The following XRCC4 variants were observed in gnomAD, a reference collection of about 807,000 sequenced individuals.
XRCC4 encodes DNA repair protein XRCC4.
A neutral mutation model predicts 39.1 loss-of-function variants in XRCC4; 28 were observed. The ratio of observed to expected loss-of-function variants is 0.72; its 90% CI spans 0.53 to 0.98. The LOEUF is 0.98. XRCC4 is among the 50% of genes least tolerant of loss of function. The pLI is 0.00. For synonymous variants in XRCC4, 123 were observed against 126.4 expected (o/e 0.97, Z 0.18); for missense variants, 350 against 376.4 (o/e 0.93, Z 0.58).
At chr5:83,303,642 A>G (rs1323475430) in intron 7 of XRCC4, among the ~76,000 whole-genome samples, 1 of 152,210 alleles carries the variant, frequency 6.6e-6, no homozygotes, top group East Asian at 1.9e-4. Flanking sequence ...TCATGCCTCT[A>G]TAACTTCCAA....
intron 7 of XRCC4, among the ~76,000 whole-genome samples, chr5:83,350,854 G>GAAGGGTATTTCC (rs1487003583): frequency 3.9e-5 from 6 of 152,136 alleles, no homozygotes; most frequent in Admixed American, 6.5e-5. Flanking sequence ...ACAGTGTTGA[G>GAAGGGTATTTCC]AAGGGTATTT....
chr5:83,205,528 G>A (rs1193376559), intron 6 of XRCC4, among the ~76,000 whole-genome samples: 1 of 152,016 alleles, frequency 6.6e-6, no homozygotes, highest in African/African-American at 2.4e-5. Flanking sequence ...TAGTGACGGT[G>A]GAAACAGGAG....
intron 3 of XRCC4, among the ~76,000 whole-genome samples, chr5:83,156,535 G>T (rs1748973743): frequency 6.6e-6 from 1 of 151,996 alleles, no homozygotes; most frequent in Non-Finnish European, 1.5e-5. Flanking sequence ...AGAGATTCTG[G>T]TTATTTAGTC....
At chr5:83,372,579 AATAAT>A in the XRCC4 span, among the ~76,000 whole-genome samples, 12 of 152,302 alleles carry the variant, frequency 7.9e-5, no homozygotes, top group South Asian at 2.3e-3. Context: ...AGACTAAATA[AATAAT>A]ATGTCATACA....
intron 6 of XRCC4, among the ~76,000 whole-genome samples, chr5:83,208,247 A>G (rs994157281): frequency 2.0e-5 from 3 of 152,072 alleles, no homozygotes; most frequent in Admixed American, 6.6e-5. Flanking sequence ...GGATTACACA[A>G]TAGGCATACA....
chr5:83,353,073 TA>T, intron 7 of XRCC4, 57 bp from the exon 8 acceptor site: 1 of 1,366,346 alleles, frequency 7.3e-7, no homozygotes, highest in Non-Finnish European at 1.0e-6. Context: ...CATTTTCTTT[TA>T]CTCTATAACA....
chr5:83,224,754 T>A (rs1752224960), intron 6 of XRCC4, among the ~76,000 whole-genome samples: 1 of 152,196 alleles, frequency 6.6e-6, no homozygotes, highest in Non-Finnish European at 1.5e-5. Flanking sequence ...TCTTCATTGT[T>A]GAATTCCTCT....
chr5:83,108,615 A>C (rs1746307206), intron 2 of XRCC4, among the ~76,000 whole-genome samples: 1 of 151,824 alleles, frequency 6.6e-6, no homozygotes, highest in Admixed American at 6.6e-5. Context: ...ATTTTAATGA[A>C]ATTTAGAATA....
the XRCC4 span, among the ~76,000 whole-genome samples, chr5:83,374,206 T>C: frequency 2.0e-5 from 3 of 152,248 alleles, no homozygotes; most frequent in South Asian, 6.2e-4. Flanking sequence ...TCATTTTAAA[T>C]TGTAGCTCCC....
At chr5:83,302,060 T>A (rs530700877) in intron 7 of XRCC4, among the ~76,000 whole-genome samples, 3 of 152,256 alleles carry the variant, frequency 2.0e-5, no homozygotes, top group South Asian at 2.1e-4. Context: ...CCCCTCCCCC[T>A]ACTAAGCTCG....
intron 7 of XRCC4, among the ~76,000 whole-genome samples, chr5:83,344,257 G>A (rs1306341400): frequency 3.3e-5 from 5 of 151,354 alleles, no homozygotes. Flanking sequence ...TTTTTTAAGA[G>A]ATGGGGTCTC....
intron 3 of XRCC4, among the ~76,000 whole-genome samples, chr5:83,112,518 T>C (rs947502891): frequency 1.3e-5 from 2 of 152,226 alleles, no homozygotes; most frequent in Non-Finnish European, 2.9e-5. Context: ...TGAAAGGCTT[T>C]TGAAATTTTT....
chr5:83,327,084 T>A (rs771653352), intron 7 of XRCC4, among the ~76,000 whole-genome samples: 1 of 152,092 alleles, frequency 6.6e-6, no homozygotes, highest in Non-Finnish European at 1.5e-5. Context: ...GTAATTAACA[T>A]AAAGTAAAAT....
At chr5:83,135,035 C>G (rs934352278) in intron 3 of XRCC4, among the ~76,000 whole-genome samples, 2 of 152,190 alleles carry the variant, frequency 1.3e-5, no homozygotes, top group Non-Finnish European at 2.9e-5. Context: ...TAACACTCAC[C>G]GCGAGGGTCC....
chr5:83,179,458 A>G (rs1403117595), intron 3 of XRCC4, among the ~76,000 whole-genome samples: 1 of 152,180 alleles, frequency 6.6e-6, no homozygotes, highest in Non-Finnish European at 1.5e-5. Flanking sequence ...GCAGGGTTTC[A>G]CAGAATCCAG....
chr5:83,311,099 C>A, intron 7 of XRCC4: 1 of 219,834 alleles, frequency 4.5e-6, no homozygotes. Flanking sequence ...GGTAATTTAG[C>A]CATAAGAAAC....
chr5:83,156,145 A>G (rs1397944619), intron 3 of XRCC4, among the ~76,000 whole-genome samples: 1 of 152,092 alleles, frequency 6.6e-6, no homozygotes, highest in Non-Finnish European at 1.5e-5. Context: ...TTACTTAAAG[A>G]GTTATGAATA....
At position 83,300,093 on chromosome 5, in the gene XRCC4, G is replaced by A. The variant is rs28360288; in HGVS notation, c.893+41416G>A. 3.6e-3 allele frequency among the ~76,000 whole-genome samples: 552 copies of A among 152,256 alleles called. 11 individuals are homozygous for A. In the East Asian group the frequency reaches 0.072, roughly 20 times the overall value. On this transcript the variant is annotated intron_variant, in intron 7 of 7. Coordinates refer to ENST00000396027, the MANE Select transcript of XRCC4 (RefSeq NM_003401.5). ...CACTTCAATGATTTGAGGTTGTTTT[G>A]TTTTAAAACTACATGAATTATATTA...
chr5:83,106,723 G>T (rs1746215336), intron 2 of XRCC4, among the ~76,000 whole-genome samples: 1 of 151,832 alleles, frequency 6.6e-6, no homozygotes, highest in Admixed American at 6.6e-5. Context: ...CATTTCACTA[G>T]ATGGTACTGA....
Sources: gnomAD v4.1 joint callset for allele counts (sites outside exome capture counted in the v4.1 genomes callset) on GRCh38, gnomAD v4.1.1 for gene constraint, MANE v1.5 for transcripts, NCBI Gene and HGNC (gene_info 2026-07-23, HGNC 2026-07-21) for gene names.